CACNA1H: variants seen among roughly 807,000 people sequenced by gnomAD.
CACNA1H encodes the protein voltage-dependent T-type calcium channel subunit alpha-1H.
CACNA1H carries 149 observed loss-of-function variants against 192.5 expected under a neutral mutation model. The observed-to-expected ratio is 0.77, with a 90% CI of 0.68 to 0.89. The LOEUF (loss-of-function observed/expected upper bound fraction) is 0.89. Among genes scored for constraint, CACNA1H ranks in the 40% least tolerant of loss-of-function variants. The probability of loss-of-function intolerance (pLI) is 0.00; values close to 1 mark genes in which losing one functional copy is unlikely to be tolerated. For missense variants in CACNA1H, 4,257 were observed against 3,423.5 expected (o/e 1.24, Z -6.08); for synonymous variants, 2,202 against 1,475.2 (o/e 1.49, Z -11.29).
At chr16:1,186,933 A>G (rs370470501) in intron 2 of CACNA1H, among the ~76,000 whole-genome samples, 10 of 152,122 alleles carry the variant, frequency 6.6e-5, no homozygotes, top group African/African-American at 2.4e-4. Context: ...ACACGGACAC[A>G]GGGCTGGTTC....
rs1222558529 is a variant in CACNA1H at position 1,154,147 on chromosome 16, C to T, written c.299+111C>T. 7.1e-6 allele frequency: 6 copies of T among 844,620 alleles called. 1 individual carries two copies. Among genetic ancestry groups the T allele is most frequent in the African/African-American group, 3.6e-5 (2 of 55,702 alleles). 52.3% of individuals were successfully genotyped at this position (844,620 alleles called of 1,614,324 possible). A position where few individuals can be genotyped will look rare whatever the true frequency, so the allele number is the denominator to read the frequency against. On this transcript the variant is annotated intron_variant, in intron 2 of 34. Transcript: ENST00000348261. ...CCCCGCGCGCCCCTGTTGGTGGGACCTGGCGTGGGCCGGGCGCGCGGGGGT... is the reference window on the plus strand; with the variant it reads ...CCCCGCGCGCCCCTGTTGGTGGGACTTGGCGTGGGCCGGGCGCGCGGGGGT...
chr16:1,185,013 A>G (rs1399777827), intron 2 of CACNA1H, among the ~76,000 whole-genome samples: 1 of 152,128 alleles, frequency 6.6e-6, no homozygotes, highest in Non-Finnish European at 1.5e-5. Context: ...CTCACTCCAG[A>G]AGGAAACCGC....
At position 1,153,902 on chromosome 16, in the gene CACNA1H, G is replaced by T. The variant is rs1410156848; in HGVS notation, c.165G>T (p.Ala55=). 6.9e-7 allele frequency: 1 copy of T among 1,451,948 alleles called. No homozygotes were observed. The highest frequency in any genetic ancestry group is 1.3e-5 in the South Asian group (1 of 76,424). The allele number at this position is 1,451,948 out of a possible 1,614,324, so 89.9% of individuals were successfully genotyped here. Residue 55 remains alanine (A), a synonymous_variant, in exon 2 of 35, where the codon GCG becomes GCT. Transcript: ENST00000348261. ...GCGTGTCACCCTCCGAGAGCCCGGCGGCCGAGCGCGGCGCGGAGCTGGGTG... is the reference window on the plus strand; with the variant it reads ...GCGTGTCACCCTCCGAGAGCCCGGCTGCCGAGCGCGGCGCGGAGCTGGGTG... ...ELGVSPSESP[A]AERGAELGAD...
intron 2 of CACNA1H, among the ~76,000 whole-genome samples, chr16:1,164,824 G>C (rs1049510484): frequency 6.6e-6 from 1 of 152,210 alleles, no homozygotes; most frequent in Non-Finnish European, 1.5e-5. Flanking sequence ...GGTGGAGGGC[G>C]GCTGTCCACA....
At chr16:1,219,583 C>T (rs1388325192) in intron 34 of CACNA1H, among the ~76,000 whole-genome samples, 1 of 152,228 alleles carries the variant, frequency 6.6e-6, no homozygotes, top group Non-Finnish European at 1.5e-5. Flanking sequence ...GCCTCAGCTC[C>T]TCTTCCTGCC....
rs572314017 is a variant in CACNA1H at position 1,183,466 on chromosome 16, G to C, written c.300-11506G>C. On this transcript the variant is annotated intron_variant, in intron 2 of 34. Transcript: ENST00000348261. The stretch of plus-strand genomic sequence containing the variant: ...CCTTGTCTCCATGGCAGCGGCCTCC[G>C]GGGAAGGAAGAGAAACCTCCTTCAG... Among the ~76,000 whole-genome samples the C allele has an allele frequency of 5.9e-5, 9 of 152,286 alleles. No homozygotes were observed. The East Asian group carries it at 1.5e-3, about 26-fold the overall frequency.
At chr16:1,171,465 C>G (rs1168253686) in intron 2 of CACNA1H, among the ~76,000 whole-genome samples, 1 of 152,212 alleles carries the variant, frequency 6.6e-6, no homozygotes, top group African/African-American at 2.4e-5. Flanking sequence ...GTCTGCAGAG[C>G]CTGGAGCCCG....
chr16:1,192,361 C>T (rs1471230739), intron 2 of CACNA1H, among the ~76,000 whole-genome samples: 5 of 152,232 alleles, frequency 3.3e-5, no homozygotes, highest in Non-Finnish European at 5.9e-5. Flanking sequence ...GCCCCTCTGC[C>T]GTGGGCAGCT....
intron 26 of CACNA1H, among the ~76,000 whole-genome samples, chr16:1,212,821 T>C (rs1252684503): frequency 6.6e-6 from 1 of 152,220 alleles, no homozygotes; most frequent in Non-Finnish European, 1.5e-5. Context: ...CTGTCCTGTG[T>C]CCTTGCTGGT....
intron 2 of CACNA1H, among the ~76,000 whole-genome samples, chr16:1,165,670 G>A (rs958631305): frequency 6.6e-6 from 1 of 152,310 alleles, no homozygotes; most frequent in Admixed American, 6.5e-5. Flanking sequence ...CCAGGTGGCT[G>A]CACGCTGGGG....
chr16:1,192,484 C>G (rs1966710688), intron 2 of CACNA1H, among the ~76,000 whole-genome samples: 1 of 152,252 alleles, frequency 6.6e-6, no homozygotes, highest in Non-Finnish European at 1.5e-5. Flanking sequence ...TCCCTTCTGT[C>G]CCCATTGGGC....
chr16:1,175,206 G>C (rs1041656575), intron 2 of CACNA1H, among the ~76,000 whole-genome samples: 1 of 152,126 alleles, frequency 6.6e-6, no homozygotes, highest in African/African-American at 2.4e-5. Flanking sequence ...CCTACTGTGC[G>C]CACAGGTTAA....
chr16:1,205,215 C>T lies in CACNA1H; in HGVS notation c.2553C>T (p.Gly851=), dbSNP rs377029056. The change falls in exon 11 of 35, where the codon GGC becomes GGT. Residue 851 remains glycine (G), a synonymous_variant. Coordinates refer to ENST00000348261, the MANE Select transcript of CACNA1H (RefSeq NM_021098.3). ...AGCTGCTGGCCTGCGGCCCTCTGGG[C>T]TACATCCGGAACCCGTACAACATCT... ...LLKLLACGPL[G]YIRNPYNIFD... is the part of the protein sequence containing the mutation. 1.4e-5 allele frequency: 22 copies of T among 1,612,866 alleles called. No homozygotes were observed. The African/African-American group carries it at 2.0e-4, about 15-fold the overall frequency.
At chr16:1,216,564 C>G (rs868547690) in intron 30 of CACNA1H, among the ~76,000 whole-genome samples, 2 of 152,238 alleles carry the variant, frequency 1.3e-5, no homozygotes, top group Non-Finnish European at 2.9e-5. Flanking sequence ...CTGAACAGGG[C>G]GGGCCAGAGC....
chr16:1,171,441 G>A (rs566900455), intron 2 of CACNA1H, among the ~76,000 whole-genome samples: 1 of 152,202 alleles, frequency 6.6e-6, no homozygotes. Flanking sequence ...TTGGCCCTGG[G>A]CTCTGACCAC....
At chr16:1,181,491 G>A (rs1388962848) in intron 2 of CACNA1H, among the ~76,000 whole-genome samples, 1 of 152,244 alleles carries the variant, frequency 6.6e-6, no homozygotes, top group Non-Finnish European at 1.5e-5. Context: ...TGCCGGTGTG[G>A]CTGCACGCTG....
intron 2 of CACNA1H, among the ~76,000 whole-genome samples, chr16:1,183,427 C>T (rs538498062): frequency 6.6e-5 from 10 of 152,328 alleles, no homozygotes; most frequent in East Asian, 5.8e-4. Context: ...CAGCCCTGAC[C>T]GGGCTTCCTC....
intron 2 of CACNA1H, among the ~76,000 whole-genome samples, chr16:1,155,023 C>G (rs1046119302): frequency 1.3e-5 from 2 of 152,168 alleles, no homozygotes; most frequent in Non-Finnish European, 2.9e-5. Flanking sequence ...GCAGACGTCC[C>G]CCGTCGGAGG....
At chr16:1,197,681 T>G (rs1448706228) in intron 5 of CACNA1H, among the ~76,000 whole-genome samples, 1 of 152,192 alleles carries the variant, frequency 6.6e-6, no homozygotes, top group African/African-American at 2.4e-5. Flanking sequence ...GTCGGCTCTT[T>G]TGACACTTCA....
Sources: gnomAD v4.1 joint callset for allele counts (sites outside exome capture counted in the v4.1 genomes callset) on GRCh38, gnomAD v4.1.1 for gene constraint, MANE v1.5 for transcripts, NCBI Gene and HGNC (gene_info 2026-07-23, HGNC 2026-07-21) for gene names.